RFX8: variants seen among roughly 807,000 people sequenced by gnomAD.
RFX8 encodes the protein DNA-binding protein RFX8.
In RFX8, 46 loss-of-function variants were observed where a neutral mutation model predicts 54.6. That is an observed-to-expected ratio of 0.84 (90% CI 0.67 to 1.08). The LOEUF (loss-of-function observed/expected upper bound fraction) is 1.08, where lower values mean the gene tolerates loss of function less well. Ranked by LOEUF, RFX8 falls within the 50% of genes least tolerant of loss-of-function variation. The pLI is 0.00. For synonymous variants in RFX8, 192 were observed against 209.5 expected (o/e 0.92, Z 0.72); for missense variants, 536 against 562.3 (o/e 0.95, Z 0.47).
chr2:101,468,325 C>T (rs1312687098), intron 1 of RFX8, among the ~76,000 whole-genome samples: 7 of 152,188 alleles, frequency 4.6e-5, no homozygotes, highest in African/African-American at 1.7e-4. Context: ...TACTTTTCTC[C>T]TTGTTTCTGG....
intron 4 of RFX8, 179 bp downstream of exon 4, chr2:101,421,545 C>T (rs764397901): frequency 3.6e-5 from 48 of 1,316,244 alleles, no homozygotes; most frequent in Non-Finnish European, 4.5e-5. Context: ...ATATCGATCT[C>T]ACCTTCCAGA....
Position 101,431,524 on chromosome 2 carries a change from T to A in RFX8, c.73-9052A>T, listed in dbSNP as rs183486132. Among the ~76,000 whole-genome samples the A allele has an allele frequency of 1.5e-4, 23 of 152,324 alleles. No homozygotes were observed. The East Asian group carries it at 4.4e-3, about 29-fold the overall frequency. On this transcript the variant is annotated intron_variant, in intron 2 of 11. Transcript: ENST00000428343. ...CATATAAGGATAGCTTATTAAACAA[T>A]TTTGAATGGTGACATTGATCCTCAT...
intron 2 of RFX8, among the ~76,000 whole-genome samples, chr2:101,430,350 C>T (rs953384174): frequency 2.0e-5 from 3 of 152,204 alleles, no homozygotes; most frequent in Non-Finnish European, 4.4e-5. Context: ...TACATTGAAG[C>T]CCTAGCCCTC....
chr2:101,411,407 A>G (rs1686117114), intron 8 of RFX8, among the ~76,000 whole-genome samples: 1 of 151,924 alleles, frequency 6.6e-6, no homozygotes, highest in Non-Finnish European at 1.5e-5. Flanking sequence ...TCCCTGCAGA[A>G]CTCTGCATCT....
intron 2 of RFX8, among the ~76,000 whole-genome samples, chr2:101,465,139 T>G (rs1399333571): frequency 1.3e-5 from 2 of 152,148 alleles, no homozygotes; most frequent in Non-Finnish European, 2.9e-5. Context: ...TTTTCAAACA[T>G]AGCCACTTCA....
At chr2:101,474,122 G>T in intron 1 of RFX8, 1 of 540,064 alleles carries the variant, frequency 1.9e-6, no homozygotes, top group South Asian at 2.3e-5. Context: ...GCGTCCCGAG[G>T]GCAGCCGTAG....
intron 5 of RFX8, 56 bp downstream of exon 5, chr2:101,418,795 C>G: frequency 8.9e-7 from 1 of 1,119,788 alleles, no homozygotes; most frequent in South Asian, 1.3e-5. Context: ...CCAAACCCAG[C>G]ATTTGCTGCC....
intron 11 of RFX8, among the ~76,000 whole-genome samples, chr2:101,401,494 A>G (rs1008354491): frequency 2.6e-5 from 4 of 152,166 alleles, no homozygotes; most frequent in Non-Finnish European, 5.9e-5. Context: ...ACCTGCCTCA[A>G]TTTCCTACTA....
chr2:101,464,419 A>T (rs1297660758), intron 2 of RFX8, among the ~76,000 whole-genome samples: 1 of 152,240 alleles, frequency 6.6e-6, no homozygotes, highest in Non-Finnish European at 1.5e-5. Context: ...CGCCACAAAG[A>T]GCAAGAAACA....
intron 2 of RFX8, among the ~76,000 whole-genome samples, chr2:101,462,617 A>G (rs1689342109): frequency 1.3e-5 from 2 of 152,274 alleles, no homozygotes; most frequent in African/African-American, 4.8e-5. Context: ...TTCTCTTTAC[A>G]TGTGTTTTCT....
At position 101,440,595 on chromosome 2, in the gene RFX8, G is replaced by A. The variant is rs1688045274; in HGVS notation, c.73-18123C>T. Among the ~76,000 whole-genome samples the A allele has an allele frequency of 1.3e-5, 2 of 152,210 alleles. 1 individual carries two copies. The highest frequency in any genetic ancestry group is 4.8e-5 in the African/African-American group (2 of 41,460). On this transcript the variant is annotated intron_variant, in intron 2 of 11. Transcript: ENST00000428343. Reference sequence around the variant, plus strand: ...CTCATGGGGGAGGGGAGAGCACACAGGAAGCCTCACAAGGGTTCCACCAGA... The same window carrying A: ...CTCATGGGGGAGGGGAGAGCACACAAGAAGCCTCACAAGGGTTCCACCAGA...
chr2:101,419,559 T>TA lies in RFX8; in HGVS notation c.238-596dup, dbSNP rs562694197. 4.9e-3 allele frequency among the ~76,000 whole-genome samples: 752 copies of TA among 152,346 alleles called. 3 individuals are homozygous for TA. The highest frequency in any genetic ancestry group is 8.1e-3 in the Non-Finnish European group (548 of 68,030). On this transcript the variant is annotated intron_variant, in intron 4 of 11. Transcript: ENST00000428343. The stretch of plus-strand genomic sequence containing the variant: ...CGTTGACTTTTCAGTTTCCGTTCTT[T>TA]AACCAGGTGACCGATCTGCTTCGCC...
intron 2 of RFX8, among the ~76,000 whole-genome samples, chr2:101,459,282 G>A (rs1573474563): frequency 6.6e-6 from 1 of 152,190 alleles, no homozygotes; most frequent in South Asian, 2.1e-4. Flanking sequence ...TCCTTTGGAG[G>A]AGAAGAGGCA....
At chr2:101,457,485 C>T (rs1689038291) in intron 2 of RFX8, among the ~76,000 whole-genome samples, 1 of 152,150 alleles carries the variant, frequency 6.6e-6, no homozygotes, top group African/African-American at 2.4e-5. Flanking sequence ...CATTCAGGAG[C>T]AGGTTGTTCA....
chr2:101,465,565 T>C (rs1190125394), intron 2 of RFX8, among the ~76,000 whole-genome samples: 2 of 151,848 alleles, frequency 1.3e-5, no homozygotes, highest in Non-Finnish European at 2.9e-5. Context: ...TGAGGTAAAA[T>C]ACAATAGGAA....
Position 101,405,996 on chromosome 2 carries a change from A to T in RFX8, c.875T>A (p.Leu292His), listed in dbSNP as rs757940422. Residue 292 changes from leucine (L) to histidine (H), a missense_variant, in exon 10 of 12, where the codon CTT becomes CAT. Physicochemically the swap from Leu to His is moderately conservative, Grantham distance 99. Transcript: ENST00000428343. ...LAASFQLRWN[L>H]LLTAVSKAMT... ...GGCTTTGCTTACAGCAGTGAGAAGAAGATTCCATCTCAGCTGGAAGCTGGC... is the reference window on the plus strand; with the variant it reads ...GGCTTTGCTTACAGCAGTGAGAAGATGATTCCATCTCAGCTGGAAGCTGGC... 1.3e-6 allele frequency: 2 copies of T among 1,549,718 alleles called. No individual in the cohort carries two copies. Among genetic ancestry groups the T allele is most frequent in the Non-Finnish European group, 1.7e-6 (2 of 1,146,256 alleles).
At chr2:101,427,841 T>A (rs1270503886) in intron 2 of RFX8, among the ~76,000 whole-genome samples, 1 of 152,194 alleles carries the variant, frequency 6.6e-6, no homozygotes, top group Non-Finnish European at 1.5e-5. Context: ...CTTTGTTTGT[T>A]TTTAGCGGTT....
At chr2:101,413,758 G>A (rs1283210789) in intron 7 of RFX8, among the ~76,000 whole-genome samples, 1 of 152,196 alleles carries the variant, frequency 6.6e-6, no homozygotes, top group Non-Finnish European at 1.5e-5. Context: ...GAGAGGAAGA[G>A]CACACTGCCA....
intron 2 of RFX8, among the ~76,000 whole-genome samples, chr2:101,451,922 C>T (rs1006709541): frequency 9.2e-5 from 14 of 152,018 alleles, no homozygotes; most frequent in African/African-American, 2.2e-4. Flanking sequence ...AGGAAAACCT[C>T]GTCTCTAAAA....
Sources: gnomAD v4.1 joint callset for allele counts (sites outside exome capture counted in the v4.1 genomes callset) on GRCh38, gnomAD v4.1.1 for gene constraint, MANE v1.5 for transcripts, NCBI Gene and HGNC (gene_info 2026-07-23, HGNC 2026-07-21) for gene names.